The following NAV2 variants were observed in gnomAD, a reference collection of about 807,000 sequenced individuals.
NAV2 encodes the protein neuron navigator 2.
NAV2 carries 54 observed loss-of-function variants against 223.2 expected under a neutral mutation model. That is an observed-to-expected ratio of 0.24 (90% confidence interval 0.19 to 0.30). The LOEUF is 0.30. Among genes scored for constraint, NAV2 ranks in the 10% least tolerant of loss-of-function variants. NAV2 has a pLI of 1.00. For synonymous variants in NAV2, 1,279 were observed against 1,239.3 expected (o/e 1.03, Z -0.67); for missense variants, 2,806 against 3,147.5 (o/e 0.89, Z 2.60).
chr11:20,013,939 A>G (rs1480268604), intron 11 of NAV2, among the ~76,000 whole-genome samples: 1 of 152,226 alleles, frequency 6.6e-6, no homozygotes, highest in Non-Finnish European at 1.5e-5. Flanking sequence ...GCCAAAGTCA[A>G]TGTGGTGACA....
intron 1 of NAV2, among the ~76,000 whole-genome samples, chr11:19,399,625 A>G (rs7119461): frequency 0.38 from 57,037 of 152,048 alleles, 10,969 homozygotes; most frequent in East Asian, 0.53. Flanking sequence ...AAGATGGCAG[A>G]CCCTGTGCTA....
intron 1 of NAV2, among the ~76,000 whole-genome samples, chr11:19,571,431 C>T (rs1487092931): frequency 1.3e-5 from 2 of 152,194 alleles, no homozygotes; most frequent in African/African-American, 4.8e-5. Flanking sequence ...AACTTTTCGG[C>T]TAGGCACAGT....
At chr11:20,082,697 T>C in intron 25 of NAV2, 1 of 1,245,750 alleles carries the variant, frequency 8.0e-7, no homozygotes, top group Non-Finnish European at 1.2e-6. Context: ...AGCATCCTGC[T>C]TTGTTGCTGT....
chr11:19,408,658 C>T (rs1850006357), intron 1 of NAV2, among the ~76,000 whole-genome samples: 1 of 152,180 alleles, frequency 6.6e-6, no homozygotes, highest in South Asian at 2.1e-4. Flanking sequence ...TCGCAACAAC[C>T]TTGTGAATTG....
chr11:19,630,526 C>A (rs915240078), intron 1 of NAV2, among the ~76,000 whole-genome samples: 2 of 152,200 alleles, frequency 1.3e-5, no homozygotes, highest in Non-Finnish European at 2.9e-5. Context: ...AGGACCCCCA[C>A]TTCTACCCAG....
rs1370157731 is a variant in NAV2 at position 19,741,685 on chromosome 11, GTGTATA to G, written c.267+27725_267+27730del. Among the ~76,000 whole-genome samples the G allele has an allele frequency of 4.8e-3, 626 of 131,636 alleles. 3 individuals are homozygous for G. Among genetic ancestry groups the G allele is most frequent in the African/African-American group, 0.017 (539 of 31,560 alleles). The allele number at this position is 131,636 out of a possible 152,430, so 86.4% of individuals were successfully genotyped here. On this transcript the variant is annotated intron_variant, in intron 1 of 37. Coordinates refer to ENST00000349880, the MANE Select transcript of NAV2 (RefSeq NM_145117.5). ...GTGTATGTATGTATCATGTGTGTGTGTGTATATATATATATATATATATATATATAT... is the reference window on the plus strand; with the variant it reads ...GTGTATGTATGTATCATGTGTGTGTGTATATATATATATATATATATATAT...
intron 1 of NAV2, among the ~76,000 whole-genome samples, chr11:19,703,563 T>TG (rs1010691520): frequency 6.6e-6 from 1 of 152,162 alleles, no homozygotes; most frequent in Admixed American, 6.5e-5. Context: ...GAGGCGGCAT[T>TG]GGGGGGATTA....
chr11:19,777,364 T>C (rs1004869258), intron 1 of NAV2: 8 of 408,362 alleles, frequency 2.0e-5, no homozygotes, highest in Non-Finnish European at 3.9e-5. Context: ...GACCCGGGAC[T>C]GGACGGCCAG....
At chr11:19,795,050 A>T (rs192202867) in intron 1 of NAV2, among the ~76,000 whole-genome samples, 1 of 152,192 alleles carries the variant, frequency 6.6e-6, no homozygotes, top group Non-Finnish European at 1.5e-5. Flanking sequence ...TTTCCCAGGT[A>T]CAGGAGTGCA....
At chr11:19,608,216 C>T (rs2046534288) in intron 1 of NAV2, among the ~76,000 whole-genome samples, 1 of 152,248 alleles carries the variant, frequency 6.6e-6, no homozygotes. Context: ...AGAACTCATG[C>T]TTTCACTGCA....
chr11:19,722,740 G>A (rs2050857736), intron 1 of NAV2, among the ~76,000 whole-genome samples: 2 of 152,190 alleles, frequency 1.3e-5, no homozygotes, highest in African/African-American at 4.8e-5. Context: ...AACTCGAGCT[G>A]TGGATGGATC....
chr11:20,048,927 G>A lies in NAV2; in HGVS notation c.4102G>A (p.Ala1368Thr). The change falls in exon 15 of 38, where the codon GCC becomes ACC. Residue 1368 changes from alanine (A) to threonine (T), a missense_variant. By Grantham distance (58) the Ala-to-Thr change is moderately conservative (BLOSUM62 0). Coordinates refer to ENST00000349880, the MANE Select transcript of NAV2 (RefSeq NM_145117.5). ...TGTGGACCTCAACCAGTCTCCGCTA[G>A]CCTCCAGCCCCAGCTCAGCCCACTC... is the stretch of plus-strand genomic sequence containing the variant. ...KNVDLNQSPLASSPSSAHSAP... is the reference protein window; with the variant it reads ...KNVDLNQSPLTSSPSSAHSAP... 3 of 1,614,164 alleles carry A rather than the reference G, an allele frequency of 1.9e-6. No individual in the cohort carries two copies. Among genetic ancestry groups the A allele is most frequent in the Non-Finnish European group, 2.5e-6 (3 of 1,180,030 alleles).
intron 4 of NAV2, among the ~76,000 whole-genome samples, chr11:19,878,005 G>C (rs2062960920): frequency 6.6e-6 from 1 of 152,152 alleles, no homozygotes; most frequent in Admixed American, 6.5e-5. Flanking sequence ...GTGTGGGGAA[G>C]GAAGCATGGC....
At chr11:20,044,470 G>C (rs1477520863) in intron 13 of NAV2, among the ~76,000 whole-genome samples, 198 bp downstream of exon 13, 4 of 152,204 alleles carry the variant, frequency 2.6e-5, no homozygotes, top group African/African-American at 9.6e-5. Context: ...AAGCTCTGAA[G>C]ATGGTTCGGC....
chr11:19,749,124 C>T (rs1440908259), intron 1 of NAV2, among the ~76,000 whole-genome samples: 1 of 152,210 alleles, frequency 6.6e-6, no homozygotes, highest in Non-Finnish European at 1.5e-5. Flanking sequence ...TCCCACTGAG[C>T]ATTTGACAGT....
intron 1 of NAV2, among the ~76,000 whole-genome samples, chr11:19,805,765 T>C (rs1326309831): frequency 6.6e-6 from 1 of 152,216 alleles, no homozygotes; most frequent in Non-Finnish European, 1.5e-5. Flanking sequence ...GCTGGGACTT[T>C]ACCAAACGTA....
chr11:19,974,965 C>T (rs2049583811), intron 10 of NAV2, among the ~76,000 whole-genome samples: 1 of 152,208 alleles, frequency 6.6e-6, no homozygotes, highest in African/African-American at 2.4e-5. Context: ...TTTGGTCAGG[C>T]TCTCCAGAGG....
intron 1 of NAV2, among the ~76,000 whole-genome samples, chr11:19,661,037 C>T (rs148080190): frequency 4.6e-5 from 7 of 152,148 alleles, no homozygotes; most frequent in African/African-American, 1.4e-4. Flanking sequence ...TACCATCTAT[C>T]TCTGTAACTT....
chr11:19,353,146 T>C (rs1479482773), intron 1 of NAV2, among the ~76,000 whole-genome samples: 2 of 152,172 alleles, frequency 1.3e-5, no homozygotes, highest in Non-Finnish European at 2.9e-5. Flanking sequence ...TCCACCAGCA[T>C]GCTTAAGTTA....
Sources: gnomAD v4.1 joint callset for allele counts (sites outside exome capture counted in the v4.1 genomes callset) on GRCh38, gnomAD v4.1.1 for gene constraint, MANE v1.5 for transcripts, NCBI Gene and HGNC (gene_info 2026-07-23, HGNC 2026-07-21) for gene names.